The following PDE1C variants were observed in gnomAD, a reference collection of about 807,000 sequenced individuals.
PDE1C encodes the protein phosphodiesterase 1C.
In PDE1C, 62 loss-of-function variants were observed where a neutral mutation model predicts 93.1. The ratio of observed to expected loss-of-function variants is 0.67; its 90% CI spans 0.54 to 0.82. PDE1C has a LOEUF of 0.82. PDE1C is among the 40% of genes least tolerant of loss of function. The pLI, the probability that PDE1C is intolerant of heterozygous loss-of-function variation, is 0.00. For missense variants in PDE1C, 742 were observed against 884.6 expected (o/e 0.84, Z 2.04); for synonymous variants, 325 against 310.1 (o/e 1.05, Z -0.50).
At chr7:31,781,188 A>C (rs1783384073) in intron 16 of PDE1C, among the ~76,000 whole-genome samples, 1 of 152,232 alleles carries the variant, frequency 6.6e-6, no homozygotes, top group Admixed American at 6.5e-5. Flanking sequence ...TTAGTGCTAA[A>C]GCACAGTGAT....
the PDE1C span, among the ~76,000 whole-genome samples, chr7:31,645,945 G>A: frequency 4.6e-5 from 7 of 152,154 alleles, no homozygotes; most frequent in Non-Finnish European, 1.0e-4. Context: ...AGGGGAAAAT[G>A]TTAGGGATGA....
chr7:31,856,943 A>G (rs1794097116), intron 7 of PDE1C, among the ~76,000 whole-genome samples: 1 of 152,160 alleles, frequency 6.6e-6, no homozygotes, highest in Non-Finnish European at 1.5e-5. Context: ...CCTTGCAGAC[A>G]GCTATATTCT....
At chr7:32,273,055 G>A (rs907205682) in intron 1 of PDE1C, among the ~76,000 whole-genome samples, 1 of 152,128 alleles carries the variant, frequency 6.6e-6, no homozygotes, top group Non-Finnish European at 1.5e-5. Context: ...TGGAGGTGAC[G>A]GTGTTTCAGG....
chr7:31,806,113 A>G (rs1786790010), intron 16 of PDE1C, among the ~76,000 whole-genome samples: 1 of 151,928 alleles, frequency 6.6e-6, no homozygotes, highest in South Asian at 2.1e-4. Flanking sequence ...CATTCCAGTT[A>G]CCAGGATATT....
At chr7:32,225,195 T>C (rs1265887194) in intron 1 of PDE1C, among the ~76,000 whole-genome samples, 1 of 152,194 alleles carries the variant, frequency 6.6e-6, no homozygotes, top group African/African-American at 2.4e-5. Context: ...TCTAAGACAC[T>C]GAATGACGTT....
At chr7:32,180,254 T>G (rs893494353) in intron 2 of PDE1C, among the ~76,000 whole-genome samples, 14 of 152,196 alleles carry the variant, frequency 9.2e-5, no homozygotes, top group Admixed American at 6.5e-4. Flanking sequence ...CAAAAAGATT[T>G]GAAAATTTAA....
chr7:32,325,975 T>C (rs1585109980), intron 1 of PDE1C, among the ~76,000 whole-genome samples: 1 of 151,020 alleles, frequency 6.6e-6, no homozygotes, highest in Non-Finnish European at 1.5e-5. Context: ...GAAGTGGAGG[T>C]GGTTGGAAGT....
chr7:32,425,144 T>A (rs1270855123), intron 1 of PDE1C, among the ~76,000 whole-genome samples: 1 of 151,842 alleles, frequency 6.6e-6, no homozygotes, highest in Non-Finnish European at 1.5e-5. Context: ...TCATATATAT[T>A]CATCTTGGCT....
At chr7:31,874,462 G>A (rs565716908) in intron 5 of PDE1C, among the ~76,000 whole-genome samples, 2 of 152,282 alleles carry the variant, frequency 1.3e-5, no homozygotes, top group East Asian at 3.9e-4. Context: ...GGTGTCAGAT[G>A]GTACACTGGC....
the PDE1C span, among the ~76,000 whole-genome samples, chr7:31,722,569 A>G: frequency 7.2e-5 from 11 of 152,298 alleles, no homozygotes; most frequent in Non-Finnish European, 1.5e-4. Flanking sequence ...AGCCTGACCT[A>G]TCTGAGGGTG....
chr7:32,305,169 T>A (rs1812968918), intron 1 of PDE1C, among the ~76,000 whole-genome samples: 2 of 152,186 alleles, frequency 1.3e-5, no homozygotes, highest in South Asian at 4.1e-4. Flanking sequence ...CCAGCCTCCA[T>A]CACCCTCCCC....
intron 3 of PDE1C, among the ~76,000 whole-genome samples, chr7:32,159,528 A>T (rs890677298): frequency 2.0e-5 from 3 of 152,194 alleles, no homozygotes; most frequent in African/African-American, 7.2e-5. Context: ...AAGGGGTGAC[A>T]TATGGTGTTT....
At chr7:31,744,017 T>C in the PDE1C span, among the ~76,000 whole-genome samples, 17 of 152,246 alleles carry the variant, frequency 1.1e-4, no homozygotes, top group Non-Finnish European at 2.1e-4. Context: ...ACAGCTTCTC[T>C]AGAAGAGACA....
chr7:32,073,918 T>C (rs1796205134), upstream of PDE1C, among the ~76,000 whole-genome samples: 1 of 152,226 alleles, frequency 6.6e-6, no homozygotes, highest in African/African-American at 2.4e-5. Flanking sequence ...CCTTTGTTTC[T>C]TCCTAACCCA....
chr7:31,647,342 T>TATAAGCAGAG, the PDE1C span, among the ~76,000 whole-genome samples: 1 of 151,996 alleles, frequency 6.6e-6, no homozygotes, highest in African/African-American at 2.4e-5. Context: ...AAGTGAAGAT[T>TATAAGCAGAG]ATAAGCAGAG....
intron 1 of PDE1C, among the ~76,000 whole-genome samples, chr7:32,387,649 C>T (rs1256036461): frequency 6.7e-6 from 1 of 149,770 alleles, no homozygotes; most frequent in Non-Finnish European, 1.5e-5. Flanking sequence ...CCACCTCCCT[C>T]CCGGACGGGG....
chr7:31,702,149 A>G, the PDE1C span, among the ~76,000 whole-genome samples: 1 of 151,920 alleles, frequency 6.6e-6, no homozygotes, highest in South Asian at 2.1e-4. Flanking sequence ...ATGCTATGAT[A>G]TGGGAAATTC....
At chr7:31,666,743 C>A in the PDE1C span, among the ~76,000 whole-genome samples, 1 of 152,114 alleles carries the variant, frequency 6.6e-6, no homozygotes, top group African/African-American at 2.4e-5. Context: ...CCCCAAATGT[C>A]CCCTTATGCC....
intron 1 of PDE1C, among the ~76,000 whole-genome samples, chr7:32,394,671 G>A (rs912596278): frequency 2.6e-5 from 4 of 152,140 alleles, no homozygotes; most frequent in Non-Finnish European, 5.9e-5. Flanking sequence ...AGCCAGGTGT[G>A]GTGGTGTGCA....
Sources: gnomAD v4.1 joint callset for allele counts (sites outside exome capture counted in the v4.1 genomes callset) on GRCh38, gnomAD v4.1.1 for gene constraint, MANE v1.5 for transcripts, NCBI Gene and HGNC (gene_info 2026-07-23, HGNC 2026-07-21) for gene names.